The following NKAIN3 variants were observed in gnomAD, a reference collection of about 807,000 sequenced individuals.
NKAIN3 encodes the protein sodium/potassium transporting ATPase interacting 3.
NKAIN3 carries 25 observed loss-of-function variants against 30.2 expected under a neutral mutation model. The observed-to-expected ratio is 0.83, with a 90% CI of 0.60 to 1.16. The LOEUF is 1.16. NKAIN3 is among the 50% of genes most tolerant of loss of function. The pLI is 0.00. For synonymous variants in NKAIN3, 91 were observed against 89.6 expected, an observed-to-expected ratio of 1.02 and a Z score of -0.09; for missense variants, 225 against 254.1, an observed-to-expected ratio of 0.89 and a Z score of 0.78.
intron 4 of NKAIN3, among the ~76,000 whole-genome samples, chr8:62,902,519 A>G (rs1294080638): frequency 6.6e-6 from 1 of 152,288 alleles, no homozygotes; most frequent in Non-Finnish European, 1.5e-5. Flanking sequence ...ATAATTTATA[A>G]GTCCCCATAG....
chr8:62,968,220 G>C lies in NKAIN3; in HGVS notation c.*2813G>C, dbSNP rs1823754761. ...CTCTTTGAGGGCTATGCTTCTGTAA[G>C]ACAAAGGGAAAAAAAGAAGTGCAGA... On this transcript the variant is annotated 3_prime_UTR_variant, in exon 7 of 7. Coordinates refer to ENST00000623646, the MANE Select transcript of NKAIN3 (RefSeq NM_001304533.3). 6.6e-6 allele frequency among the ~76,000 whole-genome samples: 1 copy of C among 151,992 alleles called. No individual in the cohort carries two copies. Among genetic ancestry groups the C allele is most frequent in the African/African-American group, 2.4e-5 (1 of 41,354 alleles).
intron 4 of NKAIN3, among the ~76,000 whole-genome samples, chr8:62,770,870 C>T (rs533111918): frequency 4.0e-5 from 6 of 150,528 alleles, no homozygotes; most frequent in African/African-American, 1.5e-4. Flanking sequence ...ACAAAGCAAA[C>T]GAGTAACAAC....
chr8:62,631,849 A>G lies in NKAIN3; in HGVS notation c.273+42055A>G, dbSNP rs114207620. On this transcript the variant is annotated intron_variant, in intron 3 of 6. Coordinates refer to ENST00000623646, the MANE Select transcript of NKAIN3 (RefSeq NM_001304533.3). ...CATCTTAATATCTGTGCATTAGCTC[A>G]TGCCTCGTTTGAAAGTCTCTTTGAC... 3.3e-5 allele frequency among the ~76,000 whole-genome samples: 5 copies of G among 152,304 alleles called. No individual in the cohort carries two copies. In the South Asian group the frequency reaches 8.3e-4, roughly 25 times the overall value.
intron 1 of NKAIN3, among the ~76,000 whole-genome samples, chr8:62,419,418 C>T (rs185423251): frequency 1.3e-3 from 193 of 152,272 alleles, no homozygotes; most frequent in African/African-American, 4.5e-3. Context: ...CAGGAAAGAA[C>T]TCTGGAAGAA....
chr8:62,919,381 A>G (rs1822208894), intron 5 of NKAIN3, among the ~76,000 whole-genome samples: 1 of 151,440 alleles, frequency 6.6e-6, no homozygotes, highest in Non-Finnish European at 1.5e-5. Flanking sequence ...AGTGGCTGGA[A>G]CTACAGGCAC....
chr8:62,533,986 G>A (rs1448763295), intron 1 of NKAIN3, among the ~76,000 whole-genome samples: 1 of 152,136 alleles, frequency 6.6e-6, no homozygotes, highest in Non-Finnish European at 1.5e-5. Flanking sequence ...CCCTTTCTGT[G>A]ATTGTCTCCG....
chr8:62,923,910 G>A (rs1402178944), intron 5 of NKAIN3, among the ~76,000 whole-genome samples: 1 of 152,166 alleles, frequency 6.6e-6, no homozygotes, highest in Admixed American at 6.6e-5. Context: ...AATATCATAA[G>A]CATTCAAATG....
intron 4 of NKAIN3, among the ~76,000 whole-genome samples, chr8:62,861,194 G>A (rs1482184184): frequency 1.3e-5 from 2 of 152,304 alleles, no homozygotes; most frequent in East Asian, 3.9e-4. Context: ...GATCCTCAAA[G>A]TTCCACTTTA....
chr8:62,861,015 GACA>G (rs1303508196), intron 4 of NKAIN3, among the ~76,000 whole-genome samples: 1 of 152,200 alleles, frequency 6.6e-6, no homozygotes, highest in Non-Finnish European at 1.5e-5. Context: ...TAACATGCTT[GACA>G]ACTAATCTAC....
rs573654881 is a variant in NKAIN3 at position 62,817,108 on chromosome 8, A to G, written c.471+69979A>G. 2.2e-3 allele frequency among the ~76,000 whole-genome samples: 330 copies of G among 152,004 alleles called. 1 individual carries two copies. The highest frequency in any genetic ancestry group is 4.1e-4 in the Non-Finnish European group (28 of 67,986). ...TTCTGTGCCTCAGAGGGTCTTTGTCACTTATTTGCTGAATTCCAGTGTTCT... is the reference window on the plus strand; with the variant it reads ...TTCTGTGCCTCAGAGGGTCTTTGTCGCTTATTTGCTGAATTCCAGTGTTCT... On this transcript the variant is annotated intron_variant, in intron 4 of 6. Transcript: ENST00000623646.
chr8:62,556,584 A>C (rs984351383), intron 1 of NKAIN3, among the ~76,000 whole-genome samples: 1 of 151,918 alleles, frequency 6.6e-6, no homozygotes, highest in African/African-American at 2.4e-5. Context: ...GGAATATAGA[A>C]AGTATGCAAT....
At chr8:62,481,735 G>A (rs1013490500) in intron 1 of NKAIN3, among the ~76,000 whole-genome samples, 2 of 152,168 alleles carry the variant, frequency 1.3e-5, no homozygotes, top group African/African-American at 4.8e-5. Context: ...CAGAACACAA[G>A]ACAAGGGGTT....
intron 3 of NKAIN3, among the ~76,000 whole-genome samples, chr8:62,636,601 C>G (rs988216185): frequency 3.3e-5 from 5 of 152,152 alleles, no homozygotes; most frequent in African/African-American, 1.2e-4. Flanking sequence ...TAAAAGGTCT[C>G]GTAGAGAATA....
intron 1 of NKAIN3, among the ~76,000 whole-genome samples, chr8:62,345,675 T>A (rs1343006137): frequency 6.7e-6 from 1 of 149,076 alleles, no homozygotes; most frequent in Admixed American, 6.8e-5. Flanking sequence ...ATACCTGGAA[T>A]ATATATACCA....
At chr8:62,473,529 T>C (rs1277788445) in intron 1 of NKAIN3, 1 of 152,168 alleles carries the variant, frequency 6.6e-6, no homozygotes, top group African/African-American at 2.4e-5. Flanking sequence ...TACCATAAAA[T>C]TGATTCTTAT....
chr8:62,888,196 C>G (rs1469702283), intron 4 of NKAIN3, among the ~76,000 whole-genome samples: 2 of 152,136 alleles, frequency 1.3e-5, no homozygotes, highest in African/African-American at 4.8e-5. Context: ...TCATTAGGTT[C>G]TGATAAAATC....
intron 1 of NKAIN3, among the ~76,000 whole-genome samples, chr8:62,421,666 A>G (rs1023929263): frequency 6.6e-6 from 1 of 151,226 alleles, no homozygotes; most frequent in Non-Finnish European, 1.5e-5. Flanking sequence ...GTACCTTTCT[A>G]TGGCTGTGAA....
At chr8:62,691,460 G>A (rs1206658817) in intron 3 of NKAIN3, among the ~76,000 whole-genome samples, 3 of 152,132 alleles carry the variant, frequency 2.0e-5, no homozygotes, top group African/African-American at 7.2e-5. Context: ...AAAGGAAATG[G>A]AGGATTCTTG....
chr8:62,912,801 C>T (rs777416961), intron 4 of NKAIN3, among the ~76,000 whole-genome samples: 5 of 151,888 alleles, frequency 3.3e-5, no homozygotes, highest in Non-Finnish European at 5.9e-5. Context: ...CCCAGCGACT[C>T]GGGAGGCTGA....
Sources: gnomAD v4.1 joint callset for allele counts (sites outside exome capture counted in the v4.1 genomes callset) on GRCh38, gnomAD v4.1.1 for gene constraint, MANE v1.5 for transcripts, NCBI Gene and HGNC (gene_info 2026-07-23, HGNC 2026-07-21) for gene names.